The following DAXX variants were observed in gnomAD, a reference collection of about 807,000 sequenced individuals.
DAXX encodes the protein death domain associated protein, also known as death domain-associated protein 6.
In DAXX, 24 loss-of-function variants were observed where a neutral mutation model predicts 61.9. The observed-to-expected ratio is 0.39, with a 90% CI of 0.28 to 0.55. DAXX has a LOEUF of 0.55. DAXX is among the 20% of genes least tolerant of loss of function. DAXX has a pLI of 0.69. For missense variants in DAXX, 819 were observed against 935.3 expected (o/e 0.88, Z 1.62); for synonymous variants, 357 against 369.5 (o/e 0.97, Z 0.39).
In DAXX at chr6:33,321,180, CAT is replaced by C; in HGVS notation, c.593_594del (p.Tyr198CysfsTer19). On this transcript the variant is annotated frameshift_variant, in exon 3 of 8. Transcript: ENST00000374542. LOFTEE classifies it high-confidence loss of function. The surrounding 1 kb of genome is among the most constrained non-coding windows in gnomAD (Gnocchi z 7.2). ...IQRLEQLLAL[Y>X]VAEIRRLQEK... ...TCCTGCAGCCGCCGGATCTCTGCCACATAGAGCGCCAGCAGCTGCTCCAAACG... is the reference window on the plus strand; with the variant it reads ...TCCTGCAGCCGCCGGATCTCTGCCACAGAGCGCCAGCAGCTGCTCCAAACG... 6.2e-7 allele frequency: 1 copy of C among 1,613,602 alleles called. No homozygotes were observed. The highest frequency in any genetic ancestry group is 8.5e-7 in the Non-Finnish European group (1 of 1,179,462).
chr6:33,320,669 G>T lies in DAXX; in HGVS notation c.1039+67C>A. ...AGTAAAAACCCTAGAAAGGACTAGA[G>T]AGATGCCCCATCCGCCTCATACCTG... is the stretch of plus-strand genomic sequence containing the variant. On this transcript the variant is annotated intron_variant, in intron 3 of 7. Transcript: ENST00000374542. This position sits in a 1 kb window ranked among gnomAD's most constrained non-coding sequence, Gnocchi z 7.1. 3 of 1,604,482 alleles carry T rather than the reference G, an allele frequency of 1.9e-6. No individual in the cohort carries two copies. In the South Asian group the frequency reaches 3.3e-5, roughly 18 times the overall value.
chr6:33,319,013 C>T lies in DAXX; in HGVS notation c.2147G>A (p.Arg716Gln), dbSNP rs752093917. 17 of 1,613,086 alleles carry T rather than the reference C, an allele frequency of 1.1e-5. No homozygotes were observed. Among genetic ancestry groups the T allele is most frequent in the Middle Eastern group, 1.8e-4 (1 of 5,636 alleles). ...CCTTCTTACCTTGCAAGTACCAGGCCGAGGAGGCTGTGAATGGGGGGTTTG... is the reference window on the plus strand; with the variant it reads ...CCTTCTTACCTTGCAAGTACCAGGCTGAGGAGGCTGTGAATGGGGGGTTTG... Reference protein sequence around the residue: ...LSQTPHSQPPRPGTCKTSVAT... With the variant: ...LSQTPHSQPPQPGTCKTSVAT... The change falls in exon 7 of 8, where the codon CGG becomes CAG. Residue 716 changes from arginine (R) to glutamine (Q), a missense_variant. Arg to Gln is a conservative substitution (Grantham distance 43, BLOSUM62 1). Transcript: ENST00000374542.
intron 7 of DAXX, 30 bp downstream of exon 7, chr6:33,318,967 G>A (rs1770167762): frequency 1.3e-6 from 2 of 1,576,884 alleles, no homozygotes; most frequent in Non-Finnish European, 1.7e-6. Flanking sequence ...AGAACAAATT[G>A]TCAGAGGAAA....
In DAXX at chr6:33,319,066, G is replaced by C. The variant is rs200069239; in HGVS notation, c.2094C>G (p.Leu698=). ...ACAGCCGGGCTGGAGAAGGGATGCA[G>C]AGGGAGCTGGTCACCAGGCCATGGC... ...SPSHGLVTSS[L]CIPSPARLSQ... The change falls in exon 7 of 8, where the codon CTC becomes CTG. Residue 698 remains leucine (L), a synonymous_variant. Transcript: ENST00000374542. 241 of 1,614,134 alleles carry C rather than the reference G, an allele frequency of 1.5e-4. No homozygotes were observed. The highest frequency in any genetic ancestry group is 1.9e-4 in the Non-Finnish European group (230 of 1,180,052).
Position 33,321,861 on chromosome 6 carries a change from G to A in DAXX, c.65C>T (p.Pro22Leu). Reference sequence around the variant, plus strand: ...ATTGGGGAGTGGGTGGGAGGGCCCTGGCTGAGCAGCTGCTTCATCTTCGTC... The same window carrying A: ...ATTGGGGAGTGGGTGGGAGGGCCCTAGCTGAGCAGCTGCTTCATCTTCGTC... Reference protein sequence around the residue: ...DDDEDEAAAQPGPSHPLPNAA... With the variant: ...DDDEDEAAAQLGPSHPLPNAA... The change falls in exon 2 of 8, where the codon CCA (proline) becomes CTA (leucine). Residue 22 changes from proline to leucine, a missense_variant. By Grantham distance (98) the Pro-to-Leu change is moderately conservative. Coordinates refer to ENST00000374542, the MANE Select transcript of DAXX (RefSeq NM_001141969.2). This position sits in a 1 kb window ranked among gnomAD's most constrained non-coding sequence, Gnocchi z 7.2. 1 of 1,612,638 alleles carries A rather than the reference G, an allele frequency of 6.2e-7. No homozygotes were observed. The highest frequency in any genetic ancestry group is 8.5e-7 in the Non-Finnish European group (1 of 1,179,344).
rs9257106 is a variant in DAXX at position 33,318,625 on chromosome 6, T to TTTA, written c.*117_*118insTAA. 8.9e-6 allele frequency: 4 copies of TTTA among 449,670 alleles called. No individual in the cohort carries two copies. The highest frequency in any genetic ancestry group is 4.0e-5 in the Admixed American group (1 of 25,054). 27.9% of individuals were successfully genotyped at this position (449,670 alleles called of 1,614,324 possible). A position where few individuals can be genotyped will look rare whatever the true frequency, so the allele number is the denominator to read the frequency against. On this transcript the variant is annotated 3_prime_UTR_variant, in exon 8 of 8. Coordinates refer to ENST00000374542, the MANE Select transcript of DAXX (RefSeq NM_001141969.2). ...TAAAACTTAAGCTTTTTTTTTTTTT[T>TTTA]AAAGAAACACCACCAAAAGGGGATT...
chr6:33,320,659 A>C lies in DAXX; in HGVS notation c.1040-68T>G. On this transcript the variant is annotated intron_variant, in intron 3 of 7. Coordinates refer to ENST00000374542, the MANE Select transcript of DAXX (RefSeq NM_001141969.2). The surrounding 1 kb of genome is among the most constrained non-coding windows in gnomAD (Gnocchi z 7.1). ...GGACTAGAAGAGTAAAAACCCTAGA[A>C]AGGACTAGAGAGATGCCCCATCCGC... is the stretch of plus-strand genomic sequence containing the variant. 1 of 1,603,852 alleles carries C rather than the reference A, an allele frequency of 6.2e-7. No individual in the cohort carries two copies. Among genetic ancestry groups the C allele is most frequent in the South Asian group, 1.1e-5 (1 of 89,820 alleles).
chr6:33,321,778 T>C lies in DAXX; in HGVS notation c.148A>G (p.Ser50Gly). 1 of 1,612,970 alleles carries C rather than the reference T, an allele frequency of 6.2e-7. No individual in the cohort carries two copies. The highest frequency in any genetic ancestry group is 2.2e-5 in the East Asian group (1 of 44,882). Residue 50 changes from serine (S) to glycine (G), a missense_variant, in exon 2 of 8, where the codon AGC (serine) becomes GGC (glycine). Physicochemically the swap from Ser to Gly is moderately conservative, Grantham distance 56. Transcript: ENST00000374542. This position sits in a 1 kb window ranked among gnomAD's most constrained non-coding sequence, Gnocchi z 7.2. ...CATTTCTTGCCGCCCGAACTACTGC[T>C]TCCTCTGGCCCCATGAGGCTCAGAG... The part of the protein sequence containing the change: ...SSSEPHGARG[S>G]SSSGGKKCYK...
Position 33,320,696 on chromosome 6 carries a change from C to CATA in DAXX, c.1039+37_1039+39dup, listed in dbSNP as rs769099695. On this transcript the variant is annotated intron_variant, in intron 3 of 7. Transcript: ENST00000374542. This position sits in a 1 kb window ranked among gnomAD's most constrained non-coding sequence, Gnocchi z 7.1. ...GATGCCCCATCCGCCTCATACCTGACATATAAGGGTCACTGAGAGGCATCC... is the reference window on the plus strand; with the variant it reads ...GATGCCCCATCCGCCTCATACCTGACATAATATAAGGGTCACTGAGAGGCATCC... The CATA allele has an allele frequency of 6.8e-6, 11 of 1,609,124 alleles. No homozygotes were observed. Among genetic ancestry groups the CATA allele is most frequent in the Non-Finnish European group, 8.5e-6 (10 of 1,176,414 alleles).
In DAXX at chr6:33,321,314, T is replaced by C. The variant is rs868038906; in HGVS notation, c.461A>G (p.Glu154Gly). The change falls in exon 3 of 8, where the codon GAG becomes GGG. Residue 154 changes from glutamate to glycine, a missense_variant. Transcript: ENST00000374542. This position sits in a 1 kb window ranked among gnomAD's most constrained non-coding sequence, Gnocchi z 7.2. ...NLAPAATTSN[E>G]PSGNNPPTHL... is the part of the protein sequence containing the mutation. The stretch of plus-strand genomic sequence containing the variant: ...TGTGGGAGGGTTATTCCCAGAGGGC[T>C]CATTGGAGGTGGTGGCGGCAGGGGC... 7 of 1,611,962 alleles carry C rather than the reference T, an allele frequency of 4.3e-6. No homozygotes were observed. The highest frequency in any genetic ancestry group is 5.9e-6 in the Non-Finnish European group (7 of 1,178,028).
chr6:33,321,615 G>T lies in DAXX; in HGVS notation c.208-48C>A. The stretch of plus-strand genomic sequence containing the variant: ...GAAGGGGAAGAGAGACAAGGGAGGG[G>T]GTTGAGAGAAAGGGGAGGTGGGGTT... On this transcript the variant is annotated intron_variant, in intron 2 of 7. Transcript: ENST00000374542. The surrounding 1 kb of genome is among the most constrained non-coding windows in gnomAD (Gnocchi z 7.2). The T allele has an allele frequency of 6.2e-7, 1 of 1,601,630 alleles. No homozygotes were observed. Among genetic ancestry groups the T allele is most frequent in the Non-Finnish European group, 8.5e-7 (1 of 1,171,488 alleles).
In DAXX at chr6:33,321,344, T is replaced by G. The variant is rs2150997009; in HGVS notation, c.431A>C (p.Asn144Thr). 2 of 1,612,968 alleles carry G rather than the reference T, an allele frequency of 1.2e-6. No individual in the cohort carries two copies. Among genetic ancestry groups the G allele is most frequent in the East Asian group, 2.2e-5 (1 of 44,862 alleles). ...GGAGGTGGTGGCGGCAGGGGCCAAG[T>G]TCAGCTTCTTTTTGGCTGAGTGGGC... Reference protein sequence around the residue: ...LKAHSAKKKLNLAPAATTSNE... With the variant: ...LKAHSAKKKLTLAPAATTSNE... Residue 144 changes from asparagine (N) to threonine (T), a missense_variant, in exon 3 of 8, where the codon AAC becomes ACC. Physicochemically the swap from Asn to Thr is moderately conservative, Grantham distance 65. Transcript: ENST00000374542. This position sits in a 1 kb window ranked among gnomAD's most constrained non-coding sequence, Gnocchi z 7.2.
rs1424565394 is a variant in DAXX, at chr6:33,320,702, A to T, written c.1039+34T>A. 6.2e-7 allele frequency: 1 copy of T among 1,610,156 alleles called. No individual in the cohort carries two copies. The highest frequency in any genetic ancestry group is 8.5e-7 in the Non-Finnish European group (1 of 1,177,094). ...CCATCCGCCTCATACCTGACATATA[A>T]GGGTCACTGAGAGGCATCCCACCAA... On this transcript the variant is annotated intron_variant, in intron 3 of 7. Transcript: ENST00000374542. The surrounding 1 kb of genome is among the most constrained non-coding windows in gnomAD (Gnocchi z 7.1).
In DAXX at chr6:33,320,231, G is replaced by A. The variant is rs1021497462; in HGVS notation, c.1252-7C>T. 23 of 1,600,406 alleles carry A rather than the reference G, an allele frequency of 1.4e-5. No individual in the cohort carries two copies. Among genetic ancestry groups the A allele is most frequent in the Non-Finnish European group, 2.0e-5 (23 of 1,167,984 alleles). ...ATGCCATTCCACTAGGGCCCTGGGAGACAAAGAAGTTTCTCTAAGGAATCC... is the reference window on the plus strand; with the variant it reads ...ATGCCATTCCACTAGGGCCCTGGGAAACAAAGAAGTTTCTCTAAGGAATCC... On this transcript the variant is annotated splice_region_variant and splice_polypyrimidine_tract_variant and intron_variant, in intron 4 of 7. Coordinates refer to ENST00000374542, the MANE Select transcript of DAXX (RefSeq NM_001141969.2). This position sits in a 1 kb window ranked among gnomAD's most constrained non-coding sequence, Gnocchi z 7.1.
At chr6:33,322,028 C>A (rs1256228433) in intron 1 of DAXX, 51 bp from the exon 2 acceptor site, 4 of 1,341,808 alleles carry the variant, frequency 3.0e-6, no homozygotes, top group Non-Finnish European at 3.0e-6. Flanking sequence ...AGCCCCATCC[C>A]TTCACCTCAC....
Position 33,319,757 on chromosome 6 carries a change from C to T in DAXX, c.1563G>A (p.Gln521=), listed in dbSNP as rs1770301149. Residue 521 remains glutamine (Q), a synonymous_variant, in exon 6 of 8, where the codon CAG becomes CAA. Transcript: ENST00000374542. ...GTGACACTATGCGTCCTTTGTTTTG[C>T]TGCTCCCCTGAAGATCTGCTGATCT... ...GKQISRSSGE[Q]QNKGRIVSPS... is the part of the protein sequence containing the mutation. The T allele has an allele frequency of 6.2e-7, 1 of 1,614,104 alleles. No individual in the cohort carries two copies. The highest frequency in any genetic ancestry group is 1.3e-5 in the African/African-American group (1 of 74,946).
chr6:33,320,278 C>T lies in DAXX; in HGVS notation c.1252-54G>A. The T allele has an allele frequency of 6.7e-7, 1 of 1,497,902 alleles. No individual in the cohort carries two copies. 92.8% of individuals were successfully genotyped at this position (1,497,902 alleles called of 1,614,324 possible). ...ATCCCTTGCCCCAGAGGGTTTGGTT[C>T]TTGCTTTCCTTCTCATGCTCCCCCA... On this transcript the variant is annotated intron_variant, in intron 4 of 7. Transcript: ENST00000374542. This position sits in a 1 kb window ranked among gnomAD's most constrained non-coding sequence, Gnocchi z 7.1.
chr6:33,319,512 T>C lies in DAXX; in HGVS notation c.1808A>G (p.Asn603Ser). 6.2e-7 allele frequency: 1 copy of C among 1,614,128 alleles called. No individual in the cohort carries two copies. The highest frequency in any genetic ancestry group is 8.5e-7 in the Non-Finnish European group (1 of 1,180,012). The change falls in exon 6 of 8, where the codon AAT (asparagine) becomes AGT (serine). Residue 603 changes from asparagine (N) to serine (S), a missense_variant. Physicochemically the swap from Asn to Ser is conservative, Grantham distance 46. Transcript: ENST00000374542. ...SEEPFTTVLE[N>S]GAGMVSSTSF... is the part of the protein sequence containing the mutation. ...AGTAGAAGAGACCATGCCTGCTCCA[T>C]TCTCTAAGACAGTGGTGAAGGGCTC...
In DAXX at chr6:33,321,787, C is replaced by A; in HGVS notation, c.139G>T (p.Ala47Ser). 1 of 1,611,696 alleles carries A rather than the reference C, an allele frequency of 6.2e-7. No individual in the cohort carries two copies. Among genetic ancestry groups the A allele is most frequent in the Non-Finnish European group, 8.5e-7 (1 of 1,178,202 alleles). The change falls in exon 2 of 8, where the codon GCC becomes TCC. Residue 47 changes from alanine to serine, a missense_variant. Physicochemically the swap from Ala to Ser is moderately conservative, Grantham distance 99. Transcript: ENST00000374542. This position sits in a 1 kb window ranked among gnomAD's most constrained non-coding sequence, Gnocchi z 7.2. ...CCGCCCGAACTACTGCTTCCTCTGG[C>A]CCCATGAGGCTCAGAGGAGCTAGGG... The part of the protein sequence containing the change: ...EAPSSSEPHG[A>S]RGSSSSGGKK...
Sources: allele counts gnomAD v4.1 joint callset, GRCh38; gene constraint gnomAD v4.1.1; non-coding constraint Gnocchi (gnomAD v3.1); transcripts MANE v1.5; gene names NCBI Gene and HGNC (gene_info 2026-07-23, HGNC 2026-07-21).